The following ZNF45 variants were observed in gnomAD, a reference collection of about 807,000 sequenced individuals.
The protein encoded by ZNF45 is BRC1744.
ZNF45 carries 4 observed loss-of-function variants against 12.0 expected under a neutral mutation model. The observed-to-expected ratio is 0.33, with a 90% CI of 0.16 to 0.76. The LOEUF is 0.76. ZNF45 is among the 30% of genes least tolerant of loss of function. The probability of loss-of-function intolerance (pLI) is 0.60; values close to 1 mark genes in which losing one functional copy is unlikely to be tolerated. For missense variants in ZNF45, 700 were observed against 813.0 expected, an observed-to-expected ratio of 0.86 and a Z score of 1.69; for synonymous variants, 272 against 279.6, an observed-to-expected ratio of 0.97 and a Z score of 0.27.
chr19:43,930,064 C>A (rs1305315954), intron 3 of ZNF45: 2 of 152,172 alleles, frequency 1.3e-5, no homozygotes, highest in Non-Finnish European at 2.9e-5. Flanking sequence ...GATGGGAAGT[C>A]TAAGATCAAG....
chr19:43,928,924 C>G (rs1973903327), intron 3 of ZNF45, among the ~76,000 whole-genome samples: 1 of 152,220 alleles, frequency 6.6e-6, no homozygotes, highest in Non-Finnish European at 1.5e-5. Context: ...TACCAAGGCA[C>G]TGTTTACATA....
chr19:43,928,458 A>G (rs1432825246), intron 3 of ZNF45, among the ~76,000 whole-genome samples: 1 of 152,166 alleles, frequency 6.6e-6, no homozygotes, highest in African/African-American at 2.4e-5. Flanking sequence ...TCTGTACAAC[A>G]AACCCCCATG....
At chr19:43,923,632 AAAAT>A (rs1973408621) in intron 6 of ZNF45, among the ~76,000 whole-genome samples, 1 of 152,178 alleles carries the variant, frequency 6.6e-6, no homozygotes, top group South Asian at 2.1e-4. Context: ...TATGTAACAT[AAAAT>A]TTACCATTTT....
At position 43,912,722 on chromosome 19, in the gene ZNF45, A is replaced by T. The variant is rs1972316130; in HGVS notation, c.*665T>A. On this transcript the variant is annotated 3_prime_UTR_variant, in exon 10 of 10. Coordinates refer to ENST00000269973, the MANE Select transcript of ZNF45 (RefSeq NM_003425.4). Reference sequence around the variant, plus strand: ...TGATTACATTTGTCAAAATTCAGAAAGCCATGAACTTGAGACTTGTGCATG... The same window carrying T: ...TGATTACATTTGTCAAAATTCAGAATGCCATGAACTTGAGACTTGTGCATG... 1 of 152,252 alleles carries T rather than the reference A, an allele frequency of 6.6e-6. No individual in the cohort carries two copies. The allele number at this position is 152,252 out of a possible 1,614,324, so 9.4% of individuals were successfully genotyped here.
chr19:43,927,692 A>G (rs1453490595), intron 3 of ZNF45, among the ~76,000 whole-genome samples: 2 of 152,220 alleles, frequency 1.3e-5, no homozygotes, highest in African/African-American at 4.8e-5. Context: ...AGGAAGAGAA[A>G]GCCATGTAGA....
At chr19:43,926,382 C>T (rs1366084581) in intron 3 of ZNF45, 1 of 152,222 alleles carries the variant, frequency 6.6e-6, no homozygotes, top group Non-Finnish European at 1.5e-5. Flanking sequence ...TAGGAAAGTA[C>T]TCTCTGCTCT....
In ZNF45 at chr19:43,924,314, T is replaced by A. The variant is rs1234831948; in HGVS notation, c.-105-4A>T. The A allele has an allele frequency of 6.6e-6, 1 of 152,206 alleles. No homozygotes were observed. The highest frequency in any genetic ancestry group is 2.4e-5 in the African/African-American group (1 of 41,448). The allele number at this position is 152,206 out of a possible 1,614,324, so 9.4% of individuals were successfully genotyped here. A position where few individuals can be genotyped will look rare whatever the true frequency, so the allele number is the denominator to read the frequency against. On this transcript the variant is annotated splice_polypyrimidine_tract_variant and splice_region_variant and intron_variant, in intron 5 of 9. Transcript: ENST00000269973. ...AAACTTCTGTGCCTATGCTCAGCTA[T>A]AAGAAGGGAAATGAAAACAGGATGT...
chr19:43,912,962 G>A lies in ZNF45; in HGVS notation c.*425C>T, dbSNP rs1972330722. The A allele has an allele frequency of 6.4e-6, 1 of 155,710 alleles. No homozygotes were observed. The highest frequency in any genetic ancestry group is 1.4e-5 in the Non-Finnish European group (1 of 70,482). The allele number at this position is 155,710 out of a possible 1,614,324, so 9.6% of individuals were successfully genotyped here. ...GAATTCTTCTGAGTACAATTTTAGAGAAACTTCTAGAGATAAATAAAAATG... is the reference window on the plus strand; with the variant it reads ...GAATTCTTCTGAGTACAATTTTAGAAAAACTTCTAGAGATAAATAAAAATG... On this transcript the variant is annotated 3_prime_UTR_variant, in exon 10 of 10. Transcript: ENST00000269973.
At position 43,914,479 on chromosome 19, in the gene ZNF45, C is replaced by T; in HGVS notation, c.957G>A (p.Leu319=). Residue 319 remains leucine (L), a synonymous_variant, in exon 10 of 10, where the codon CTG becomes CTA. Coordinates refer to ENST00000269973, the MANE Select transcript of ZNF45 (RefSeq NM_003425.4). ...CGKSFSWRSR[L]QAHERIHTGE... ...CAGTGTGGATTCGCTCATGAGCCTG[C>T]AGTCGTGAACGCCAACTGAAGCTCT... 1 of 1,613,066 alleles carries T rather than the reference C, an allele frequency of 6.2e-7. No individual in the cohort carries two copies. The highest frequency in any genetic ancestry group is 1.1e-5 in the South Asian group (1 of 90,958).
rs562757775 is a variant in ZNF45, at chr19:43,935,041, G to C, written c.-873C>G. On this transcript the variant is annotated 5_prime_UTR_variant, in exon 1 of 10. Transcript: ENST00000269973. ...CCCATTCAGGTCCACTTCCAACCAGGGGACTCCCGAACCGCCCCGAACGCA... is the reference window on the plus strand; with the variant it reads ...CCCATTCAGGTCCACTTCCAACCAGCGGACTCCCGAACCGCCCCGAACGCA... 1 of 152,360 alleles carries C rather than the reference G, an allele frequency of 6.6e-6. No individual in the cohort carries two copies. The highest frequency in any genetic ancestry group is 2.1e-4 in the South Asian group (1 of 4,814). The allele number at this position is 152,360 out of a possible 1,614,324, so 9.4% of individuals were successfully genotyped here.
At chr19:43,921,520 G>A (rs1973180936) in intron 7 of ZNF45, among the ~76,000 whole-genome samples, 1 of 152,130 alleles carries the variant, frequency 6.6e-6, no homozygotes, top group Non-Finnish European at 1.5e-5. Flanking sequence ...CATGTCACAC[G>A]ATGTCATATC....
chr19:43,929,173 G>C (rs1408989072), intron 3 of ZNF45, among the ~76,000 whole-genome samples: 1 of 152,158 alleles, frequency 6.6e-6, no homozygotes, highest in Non-Finnish European at 1.5e-5. Flanking sequence ...TTAACCGCTC[G>C]ACAGTGGTTC....
At chr19:43,929,576 G>A (rs1010361300) in intron 3 of ZNF45, among the ~76,000 whole-genome samples, 8 of 152,174 alleles carry the variant, frequency 5.3e-5, no homozygotes, top group African/African-American at 9.7e-5. Context: ...GGTGTGGTGT[G>A]ATGTACCAGT....
chr19:43,928,094 T>C (rs1973833770), intron 3 of ZNF45, among the ~76,000 whole-genome samples: 2 of 150,842 alleles, frequency 1.3e-5, no homozygotes, highest in East Asian at 2.0e-4. Flanking sequence ...GGCAGGAGAA[T>C]TGCTTGAACC....
Position 43,914,809 on chromosome 19 carries a change from G to A in ZNF45, c.627C>T (p.Ala209=), listed in dbSNP as rs10414979. 13 of 1,613,068 alleles carry A rather than the reference G, an allele frequency of 8.1e-6. No individual in the cohort carries two copies. Among genetic ancestry groups the A allele is most frequent in the Non-Finnish European group, 1.1e-5 (13 of 1,179,176 alleles). The part of the protein sequence containing the change: ...NAFRRFSSLQ[A]HQRVHSRAKS... ...TTGCTCTACTGTGGACTCTCTGATG[G>A]GCTTGAAGACTTGAAAACCGACGGA... The change falls in exon 10 of 10, where the codon GCC becomes GCT. Residue 209 remains alanine, a synonymous_variant. Transcript: ENST00000269973.
rs1973240316 is a variant in ZNF45, at chr19:43,922,174, AG to A, written c.11del (p.Ser4LeufsTer5). 2 of 1,610,500 alleles carry A rather than the reference AG, an allele frequency of 1.2e-6. No individual in the cohort carries two copies. Among genetic ancestry groups the A allele is most frequent in the Admixed American group, 3.3e-5 (2 of 59,950 alleles). ...GAGAAAGGGAGGTCCAACTCACCTT[AG>A]ACTTCGTCATTTTGTCCTCCTCCTT... is the stretch of plus-strand genomic sequence containing the variant. MTK[S>X]KEAVTFKDVA... On this transcript the variant is annotated frameshift_variant, in exon 7 of 10. Coordinates refer to ENST00000269973, the MANE Select transcript of ZNF45 (RefSeq NM_003425.4). LOFTEE classifies it high-confidence loss of function.
chr19:43,913,275 T>C lies in ZNF45; in HGVS notation c.*112A>G. 1 of 1,270,156 alleles carries C rather than the reference T, an allele frequency of 7.9e-7. No individual in the cohort carries two copies. Among genetic ancestry groups the C allele is most frequent in the East Asian group, 2.4e-5 (1 of 42,426 alleles). 78.7% of individuals were successfully genotyped at this position (1,270,156 alleles called of 1,614,324 possible). Reference sequence around the variant, plus strand: ...ACTCTTGTGAGGCTTCTCTGCTGTGTGGTCTCCCAATCACTTGGCTGAACT... The same window carrying C: ...ACTCTTGTGAGGCTTCTCTGCTGTGCGGTCTCCCAATCACTTGGCTGAACT... On this transcript the variant is annotated 3_prime_UTR_variant, in exon 10 of 10. Transcript: ENST00000269973.
chr19:43,930,854 A>G (rs1378605778), intron 3 of ZNF45, among the ~76,000 whole-genome samples: 1 of 152,060 alleles, frequency 6.6e-6, no homozygotes, highest in East Asian at 1.9e-4. Flanking sequence ...TTAACCCAAC[A>G]TATCCAAAGT....
Position 43,914,774 on chromosome 19 carries a change from G to C in ZNF45, c.662C>G (p.Thr221Arg), listed in dbSNP as rs767364054. ...QRVHSRAKSYTNDASYRSFSQ... is the reference protein window; with the variant it reads ...QRVHSRAKSYRNDASYRSFSQ... ...AAAACTCCTGTAACTTGCATCATTT[G>C]TGTATGATTTTGCTCTACTGTGGAC... Residue 221 changes from threonine to arginine, a missense_variant, in exon 10 of 10, where the codon ACA becomes AGA. Coordinates refer to ENST00000269973, the MANE Select transcript of ZNF45 (RefSeq NM_003425.4). 9 of 1,613,980 alleles carry C rather than the reference G, an allele frequency of 5.6e-6. No individual in the cohort carries two copies. In the East Asian group the frequency reaches 1.8e-4, roughly 32 times the overall value.
Sources: allele counts gnomAD v4.1 joint callset (sites outside exome capture counted in the v4.1 genomes callset), GRCh38; gene constraint gnomAD v4.1.1; transcripts MANE v1.5; gene names NCBI Gene and HGNC (gene_info 2026-07-23, HGNC 2026-07-21).